The following LILRB4 variants were observed in gnomAD, a reference collection of about 807,000 sequenced individuals.
LILRB4 encodes the protein leukocyte immunoglobulin like receptor B4, also known as leukocyte immunoglobulin-like receptor subfamily B member 4.
LILRB4 carries 49 observed loss-of-function variants against 55.2 expected under a neutral mutation model. That is an observed-to-expected ratio of 0.89 (90% CI 0.71 to 1.13). The LOEUF is 1.13. Ranked by LOEUF, LILRB4 falls within the 50% of genes most tolerant of loss-of-function variation. LILRB4 has a pLI of 0.00. For synonymous variants in LILRB4, 229 were observed against 213.8 expected (o/e 1.07, Z -0.62); for missense variants, 590 against 555.2 (o/e 1.06, Z -0.63).
At chr19:54,667,565 A>G in intron 10 of LILRB4, 70 bp from the exon 11 acceptor site, 8 of 1,597,784 alleles carry the variant, frequency 5.0e-6, no homozygotes, top group East Asian at 2.2e-5. Context: ...CACCCTGGGA[A>G]CAGTGGGGAA....
exon 12 of LILRB4, chr19:54,667,921 A>G (rs758388886): frequency 9.9e-6 from 16 of 1,610,332 alleles, no homozygotes; most frequent in Middle Eastern, 1.7e-4. Context: ...CCGGCTGCAC[A>G]GCTTTACCCT....
chr19:54,663,747 C>T lies in LILRB4; in HGVS notation c.71-7C>T. 1 of 1,613,770 alleles carries T rather than the reference C, an allele frequency of 6.2e-7. No individual in the cohort carries two copies. The highest frequency in any genetic ancestry group is 8.5e-7 in the Non-Finnish European group (1 of 1,179,844). On this transcript the variant is annotated splice_region_variant and splice_polypyrimidine_tract_variant and intron_variant, in intron 2 of 11. Coordinates refer to ENST00000430952, the Ensembl canonical transcript of LILRB4. ...GTCTTGGGATCCAGCCTCTGATTTT[C>T]TTCCAGGGCCCCTCCCCAAACCCAC...
chr19:54,664,925 G>C, intron 5 of LILRB4, 76 bp downstream of exon 5: 2 of 1,468,532 alleles, frequency 1.4e-6, no homozygotes, highest in Non-Finnish European at 1.9e-6. Flanking sequence ...GTGGATCTAA[G>C]TCCTCGTTCC....
In LILRB4 at chr19:54,666,477, G is replaced by A; in HGVS notation, c.988+41G>A. On this transcript the variant is annotated intron_variant, in intron 9 of 11. Transcript: ENST00000430952. The surrounding 1 kb of genome is among the most constrained non-coding windows in gnomAD (Gnocchi z 4.8). ...AGAAGGTGCACCTGGGGTGGAGCTG[G>A]GGGTCCCAAAATTTCAATAGCAATG... 1 of 1,609,928 alleles carries A rather than the reference G, an allele frequency of 6.2e-7. No homozygotes were observed.
chr19:54,666,768 C>A lies in LILRB4; in HGVS notation c.1041+19C>A, dbSNP rs756904617. On this transcript the variant is annotated intron_variant, in intron 10 of 11. Coordinates refer to ENST00000430952, the Ensembl canonical transcript of LILRB4. The surrounding 1 kb of genome is among the most constrained non-coding windows in gnomAD (Gnocchi z 4.8). ...CACTCGGGTGAGAACCCGCCCCTGT[C>A]CCCGGCACCAAAGGCCTCCTGGTGC... is the stretch of plus-strand genomic sequence containing the variant. 4.3e-6 allele frequency: 7 copies of A among 1,612,366 alleles called. No individual in the cohort carries two copies. In the East Asian group the frequency reaches 6.7e-5, roughly 15 times the overall value.
In LILRB4 at chr19:54,665,994, G is replaced by C; in HGVS notation, c.874+63G>C. On this transcript the variant is annotated intron_variant, in intron 7 of 11. Coordinates refer to ENST00000430952, the Ensembl canonical transcript of LILRB4. The surrounding 1 kb of genome is among the most constrained non-coding windows in gnomAD (Gnocchi z 5.5). ...GGTGGGCTCAGGGCACCAGCCAAAGGGACTCCAGATAGGAGAGGTCATCTT... is the reference window on the plus strand; with the variant it reads ...GGTGGGCTCAGGGCACCAGCCAAAGCGACTCCAGATAGGAGAGGTCATCTT... The C allele has an allele frequency of 1.9e-6, 3 of 1,603,026 alleles. No homozygotes were observed. The South Asian group carries it at 3.3e-5, about 18-fold the overall frequency.
chr19:54,663,695 A>C, intron 2 of LILRB4, 59 bp from the exon 3 acceptor site: 2 of 1,608,874 alleles, frequency 1.2e-6, no homozygotes, highest in Non-Finnish European at 1.7e-6. Context: ...CCTGGGGCTG[A>C]GAGCTGGGAT....
intron 10 of LILRB4, 93 bp from the exon 11 acceptor site, chr19:54,667,542 G>T: frequency 1.9e-6 from 3 of 1,575,002 alleles, no homozygotes; most frequent in Non-Finnish European, 1.7e-6. Context: ...TCAGGAAAGG[G>T]ATGTAATCGG....
In LILRB4 at chr19:54,665,674, G is replaced by A; in HGVS notation, c.758-141G>A. On this transcript the variant is annotated intron_variant, in intron 6 of 11. Transcript: ENST00000430952. The surrounding 1 kb of genome is among the most constrained non-coding windows in gnomAD (Gnocchi z 5.5). ...TGTGCATCTGTGAAATGGGTGGAGA[G>A]AGGGTGGCAATCTCAGGTTGCACAA... The A allele has an allele frequency of 1.9e-6, 2 of 1,039,828 alleles. No homozygotes were observed. Among genetic ancestry groups the A allele is most frequent in the Non-Finnish European group, 2.9e-6 (2 of 683,264 alleles). 64.4% of individuals were successfully genotyped at this position (1,039,828 alleles called of 1,614,324 possible).
Position 54,667,449 on chromosome 19 carries a change from G to C in LILRB4, c.1042-189G>C, listed in dbSNP as rs187436077. ...CGTGAGGCTGCAGCCAAATGGGCAA[G>C]GTCAGAGTGAGGAGCAGAGACCAGA... On this transcript the variant is annotated intron_variant, in intron 10 of 11. Coordinates refer to ENST00000430952, the Ensembl canonical transcript of LILRB4. The C allele has an allele frequency of 8.5e-3, 10,725 of 1,262,302 alleles. 109 individuals are homozygous for C. Among genetic ancestry groups the C allele is most frequent in the Admixed American group, 0.043 (1,545 of 35,690 alleles). 78.2% of individuals were successfully genotyped at this position (1,262,302 alleles called of 1,614,324 possible).
chr19:54,667,947 T>G (rs771675659), exon 12 of LILRB4: 3 of 1,610,072 alleles, frequency 1.9e-6, no homozygotes, highest in Non-Finnish European at 1.7e-6. Flanking sequence ...AGAAGGCAAC[T>G]GAGCCTCCTC....
chr19:54,666,948 C>A lies in LILRB4; in HGVS notation c.1041+199C>A, dbSNP rs1453223001. ...CCTCATGGGCCTCCTCCCGGGTCCC[C>A]TTCCTGCTCCTCATCCTCTGTTTGG... is the stretch of plus-strand genomic sequence containing the variant. On this transcript the variant is annotated intron_variant, in intron 10 of 11. Transcript: ENST00000430952. The surrounding 1 kb of genome is among the most constrained non-coding windows in gnomAD (Gnocchi z 4.8). 1.2e-5 allele frequency: 9 copies of A among 727,536 alleles called. No homozygotes were observed. The East Asian group carries it at 2.4e-4, about 19-fold the overall frequency. 45.1% of individuals were successfully genotyped at this position (727,536 alleles called of 1,614,324 possible). A position where few individuals can be genotyped will look rare whatever the true frequency, so the allele number is the denominator to read the frequency against.
intron 2 of LILRB4, 76 bp from the exon 3 acceptor site, chr19:54,663,678 G>A (rs1435018767): frequency 6.8e-6 from 11 of 1,607,944 alleles, no homozygotes; most frequent in Non-Finnish European, 9.3e-6. Context: ...GAGGATGACG[G>A]GGGGGTCCTG....
At chr19:54,664,463 C>A (rs957849816) in exon 4 of LILRB4, 2 of 1,607,396 alleles carry the variant, frequency 1.2e-6, no homozygotes, top group Non-Finnish European at 1.7e-6. Context: ...ACCCCAGTGA[C>A]CCCCTGGAGC....
chr19:54,663,229 G>C (rs565033921), intron 1 of LILRB4, among the ~76,000 whole-genome samples, 162 bp downstream of exon 1: 3 of 151,876 alleles, frequency 2.0e-5, no homozygotes, highest in Non-Finnish European at 4.4e-5. Flanking sequence ...GGCGGATCAC[G>C]AGGTCAGGAG....
chr19:54,665,813 AG>A lies in LILRB4; in HGVS notation c.758del. The A allele has an allele frequency of 6.2e-7, 1 of 1,601,538 alleles. No homozygotes were observed. Among genetic ancestry groups the A allele is most frequent in the Non-Finnish European group, 8.5e-7 (1 of 1,174,222 alleles). On this transcript the variant is annotated splice_acceptor_variant, in intron 6 of 11. Coordinates refer to ENST00000430952, the Ensembl canonical transcript of LILRB4. LOFTEE classifies it high-confidence loss of function. The surrounding 1 kb of genome is among the most constrained non-coding windows in gnomAD (Gnocchi z 5.5). ...CCCATTCCTGATGTCATCACGCCCA[AG>A]GTCTGAGAAGGCACTGGGAGGTACT...
Position 54,664,971 on chromosome 19 carries a change from G to C in LILRB4, c.706+122G>C, listed in dbSNP as rs4332851. 2,295 of 1,350,526 alleles carry C rather than the reference G, an allele frequency of 1.7e-3. 4 individuals are homozygous for C. The highest frequency in any genetic ancestry group is 2.1e-3 in the Non-Finnish European group (1,993 of 955,224). The allele number at this position is 1,350,526 out of a possible 1,614,324, so 83.7% of individuals were successfully genotyped here. On this transcript the variant is annotated intron_variant, in intron 5 of 11. Coordinates refer to ENST00000430952, the Ensembl canonical transcript of LILRB4. ...TGGGCTTGCTTCCACGGGTGTGGGA[G>C]TCGGGCAGCGACTTGGGAGGCACCA...
chr19:54,664,600 C>T (rs2065182061), intron 4 of LILRB4, 115 bp downstream of exon 4: 1 of 1,208,710 alleles, frequency 8.3e-7, no homozygotes. Flanking sequence ...GGGACTCAGC[C>T]CTCAGAGGGG....
chr19:54,667,692 A>C lies in LILRB4; in HGVS notation c.1096A>C (p.Arg366=), dbSNP rs200441190. Reference sequence around the variant, plus strand: ...GACGTATGCCAAGGTGAAACACTCCAGACCTAGGAGAGAAATGGCCTCTCC... The same window carrying C: ...GACGTATGCCAAGGTGAAACACTCCCGACCTAGGAGAGAAATGGCCTCTCC... Residue 366 remains arginine, a synonymous_variant, in exon 11 of 12, where the codon AGA becomes CGA. Coordinates refer to ENST00000430952, the Ensembl canonical transcript of LILRB4. The C allele has an allele frequency of 2.6e-4, 416 of 1,610,690 alleles. 2 individuals are homozygous for C. The East Asian group carries it at 7.7e-3, about 30-fold the overall frequency.
Sources: gnomAD v4.1 joint callset for allele counts (sites outside exome capture counted in the v4.1 genomes callset) on GRCh38, gnomAD v4.1.1 for gene constraint, Gnocchi (gnomAD v3.1) non-coding constraint, MANE v1.5 for transcripts, NCBI Gene and HGNC (gene_info 2026-07-23, HGNC 2026-07-21) for gene names.